KLHL8: variants seen among roughly 807,000 people sequenced by gnomAD.
The protein encoded by KLHL8 is kelch-like protein 8.
Under a neutral mutation model 63.5 loss-of-function variants are expected in KLHL8, and 38 were observed. That is an observed-to-expected ratio of 0.60 (90% CI 0.46 to 0.78). The LOEUF (loss-of-function observed/expected upper bound fraction) is 0.78, where lower values mean the gene tolerates loss of function less well. Among genes scored for constraint, KLHL8 ranks in the 30% least tolerant of loss-of-function variants. The pLI is 0.00. For missense variants in KLHL8, 566 were observed against 752.4 expected, an observed-to-expected ratio of 0.75 and a Z score of 2.90; for synonymous variants, 224 against 254.3, an observed-to-expected ratio of 0.88 and a Z score of 1.13.
At chr4:87,206,079 T>C (rs976401131) in intron 1 of KLHL8, among the ~76,000 whole-genome samples, 1 of 152,238 alleles carries the variant, frequency 6.6e-6, no homozygotes, top group Non-Finnish European at 1.5e-5. Flanking sequence ...ATGAGCCATA[T>C]TTGACTCCTC....
chr4:87,207,558 GC>G, intron 1 of KLHL8: 1 of 1,122,398 alleles, frequency 8.9e-7, no homozygotes, highest in Non-Finnish European at 1.3e-6. Context: ...ACTGCTTAGC[GC>G]CCCTGGCCAA....
chr4:87,182,932 A>C (rs1264076385), intron 4 of KLHL8, among the ~76,000 whole-genome samples: 4 of 152,236 alleles, frequency 2.6e-5, no homozygotes. Context: ...TAGTAAACCA[A>C]GTTCAGAATC....
chr4:87,239,898 C>G (rs948698062), intron 1 of KLHL8, among the ~76,000 whole-genome samples: 2 of 152,162 alleles, frequency 1.3e-5, no homozygotes, highest in African/African-American at 4.8e-5. Context: ...CCCTCTTTTT[C>G]CCATCCCCTT....
intron 6 of KLHL8, among the ~76,000 whole-genome samples, chr4:87,176,305 T>G (rs3857036): frequency 0.95 from 145,378 of 152,254 alleles, 69,748 homozygotes; most frequent in East Asian, 1. Context: ...ATCTTTAGCA[T>G]CATTTCTGAC....
intron 1 of KLHL8, among the ~76,000 whole-genome samples, chr4:87,235,992 A>G (rs185995679): frequency 6.6e-6 from 1 of 152,178 alleles, no homozygotes; most frequent in East Asian, 1.9e-4. Context: ...TTGGTAAAAC[A>G]GCAGTAGTGA....
intron 4 of KLHL8, among the ~76,000 whole-genome samples, chr4:87,179,853 C>T (rs1730984471): frequency 6.6e-6 from 1 of 151,172 alleles, no homozygotes; most frequent in South Asian, 2.1e-4. Flanking sequence ...AAAAAAAAAA[C>T]AGTGTAGTGT....
At chr4:87,164,888 C>T (rs897898508) in intron 8 of KLHL8, among the ~76,000 whole-genome samples, 4 of 152,116 alleles carry the variant, frequency 2.6e-5, no homozygotes, top group South Asian at 2.1e-4. Context: ...GTGGCTCACG[C>T]CTGTAATCCC....
At chr4:87,173,026 G>A (rs1259157000) in intron 6 of KLHL8, among the ~76,000 whole-genome samples, 2 of 151,888 alleles carry the variant, frequency 1.3e-5, no homozygotes, top group African/African-American at 4.8e-5. Flanking sequence ...TACTCTTTCT[G>A]CCTCATTTCT....
intron 1 of KLHL8, among the ~76,000 whole-genome samples, chr4:87,202,051 A>C (rs1018888720): frequency 6.6e-6 from 1 of 151,524 alleles, no homozygotes. Context: ...CGGAGCTTGC[A>C]GTGAGCCGAG....
upstream of KLHL8, chr4:87,240,400 C>G (rs190069296): frequency 1.3e-5 from 2 of 152,254 alleles, no homozygotes; most frequent in African/African-American, 4.8e-5. Context: ...ATTTGTTGCT[C>G]TTTATAGTCT....
At chr4:87,166,036 CCTGTGGTAGACAGGGAG>C (rs1730386400) in intron 8 of KLHL8, among the ~76,000 whole-genome samples, 1 of 152,144 alleles carries the variant, frequency 6.6e-6, no homozygotes, top group Non-Finnish European at 1.5e-5. Flanking sequence ...CATGTCAATG[CCTGTGGTAGACAGGGAG>C]CTGTGAGAGG....
At chr4:87,164,992 C>CAG (rs1553943547) in intron 8 of KLHL8, among the ~76,000 whole-genome samples, 2 of 151,052 alleles carry the variant, frequency 1.3e-5, no homozygotes, top group Non-Finnish European at 2.9e-5. Flanking sequence ...ACTAAAAATA[C>CAG]AAAAAAATTA....
At chr4:87,206,686 A>G (rs1448171235) in intron 1 of KLHL8, among the ~76,000 whole-genome samples, 1 of 152,150 alleles carries the variant, frequency 6.6e-6, no homozygotes, top group Non-Finnish European at 1.5e-5. Context: ...TTTTCCTCAA[A>G]TGTATTTGCA....
intron 1 of KLHL8, among the ~76,000 whole-genome samples, chr4:87,234,806 C>A (rs980654482): frequency 1.3e-5 from 2 of 152,102 alleles, no homozygotes; most frequent in African/African-American, 4.8e-5. Context: ...TGGGTTATTG[C>A]CCCGGAAGAC....
At position 87,185,750 on chromosome 4, in the gene KLHL8, A is replaced by G; in HGVS notation, c.266T>C (p.Ile89Thr). 6.2e-7 allele frequency: 1 copy of G among 1,612,850 alleles called. No homozygotes were observed. The highest frequency in any genetic ancestry group is 8.5e-7 in the Non-Finnish European group (1 of 1,179,512). The change falls in exon 3 of 10, where the codon ATT becomes ACT. Residue 89 changes from isoleucine (I) to threonine (T), a missense_variant. By Grantham distance (89) the Ile-to-Thr change is moderately conservative. Coordinates refer to ENST00000273963, the MANE Select transcript of KLHL8 (RefSeq NM_020803.5). ...AAGAAACATGGCTCTAAAGTAGGGA[A>G]TAACACAAGCCAATACCAGCTTGTG... is the stretch of plus-strand genomic sequence containing the variant. ...SCHKLVLACV[I>T]PYFRAMFLSE...
At chr4:87,187,258 T>C (rs1287246260) in intron 2 of KLHL8, among the ~76,000 whole-genome samples, 1 of 152,024 alleles carries the variant, frequency 6.6e-6, no homozygotes, top group Non-Finnish European at 1.5e-5. Context: ...TTGTACAAAG[T>C]CTATGCTGCC....
chr4:87,195,617 GA>G lies in KLHL8; in HGVS notation c.-79del. 8.4e-7 allele frequency: 1 copy of G among 1,184,468 alleles called. No homozygotes were observed. Among genetic ancestry groups the G allele is most frequent in the South Asian group, 1.3e-5 (1 of 75,950 alleles). The allele number at this position is 1,184,468 out of a possible 1,614,324, so 73.4% of individuals were successfully genotyped here. A position where few individuals can be genotyped will look rare whatever the true frequency, so the allele number is the denominator to read the frequency against. On this transcript the variant is annotated 5_prime_UTR_variant, in exon 2 of 10. Transcript: ENST00000273963. ...TTTTTCAAAGGGTAGAGAGAAGGCAGAAGGTAGATGTAGACACTACAATTCA... is the reference window on the plus strand; with the variant it reads ...TTTTTCAAAGGGTAGAGAGAAGGCAGAGGTAGATGTAGACACTACAATTCA...
intron 1 of KLHL8, among the ~76,000 whole-genome samples, chr4:87,227,529 A>C (rs935332986): frequency 6.6e-6 from 1 of 152,212 alleles, no homozygotes; most frequent in African/African-American, 2.4e-5. Flanking sequence ...ATGTACCTAT[A>C]GTCCCAGCTA....
chr4:87,203,461 C>G (rs190898228), intron 1 of KLHL8, among the ~76,000 whole-genome samples: 1 of 149,734 alleles, frequency 6.7e-6, no homozygotes, highest in Non-Finnish European at 1.5e-5. Flanking sequence ...ACCTGGGAGG[C>G]GGAGCTTGCA....
Sources: gnomAD v4.1 joint callset for allele counts (sites outside exome capture counted in the v4.1 genomes callset) on GRCh38, gnomAD v4.1.1 for gene constraint, MANE v1.5 for transcripts, NCBI Gene and HGNC (gene_info 2026-07-23, HGNC 2026-07-21) for gene names.